Variants in SCHIP1 observed in about 807,000 individuals in gnomAD.
SCHIP1 encodes the protein schwannomin interacting protein 1.
In SCHIP1, 8 loss-of-function variants were observed where a neutral mutation model predicts 29.7. That is an observed-to-expected ratio of 0.27 (90% CI 0.16 to 0.49). The LOEUF (loss-of-function observed/expected upper bound fraction) is 0.49, where lower values mean the gene tolerates loss of function less well. SCHIP1 is among the 20% of genes least tolerant of loss of function. The pLI, the probability that SCHIP1 is intolerant of heterozygous loss-of-function variation, is 0.99. For missense variants in SCHIP1, 193 were observed against 294.6 expected (o/e 0.66, Z 2.52); for synonymous variants, 76 against 94.9 (o/e 0.80, Z 1.16).
the SCHIP1 span, among the ~76,000 whole-genome samples, chr3:159,289,771 A>G: frequency 2.6e-5 from 4 of 152,240 alleles, no homozygotes; most frequent in African/African-American, 9.6e-5. Context: ...TGAATCAGAG[A>G]ATCCACCAGA....
chr3:159,603,373 G>A, the SCHIP1 span, among the ~76,000 whole-genome samples: 1 of 152,094 alleles, frequency 6.6e-6, no homozygotes, highest in Non-Finnish European at 1.5e-5. Flanking sequence ...ACTGGCTATT[G>A]GTGATCAGCT....
chr3:159,295,267 AAAAAAAAAAC>A, the SCHIP1 span, among the ~76,000 whole-genome samples: 1,161 of 145,938 alleles, frequency 8.0e-3, 116 homozygotes, highest in East Asian at 0.21. Flanking sequence ...AAAAAAAAAA[AAAAAAAAAAC>A]AACTAGCCAG....
chr3:159,455,880 A>C, the SCHIP1 span, among the ~76,000 whole-genome samples: 47 of 152,244 alleles, frequency 3.1e-4, 2 homozygotes, highest in South Asian at 9.6e-3. Flanking sequence ...AGGTGGTTGG[A>C]CTTAGGGCAG....
At chr3:159,581,537 C>A in the SCHIP1 span, among the ~76,000 whole-genome samples, 1 of 152,090 alleles carries the variant, frequency 6.6e-6, no homozygotes, top group East Asian at 1.9e-4. Flanking sequence ...AAATAAGATG[C>A]AGTAATTCTC....
the SCHIP1 span, among the ~76,000 whole-genome samples, chr3:159,292,944 C>G: frequency 6.6e-6 from 1 of 152,218 alleles, no homozygotes; most frequent in Middle Eastern, 3.4e-3. Context: ...TTTATAGCTA[C>G]CCCCTTGTAT....
At chr3:159,409,975 T>C in the SCHIP1 span, among the ~76,000 whole-genome samples, 1 of 151,866 alleles carries the variant, frequency 6.6e-6, no homozygotes, top group Non-Finnish European at 1.5e-5. Context: ...AATCCATACA[T>C]CTACAGTGAA....
chr3:159,298,703 GC>G, the SCHIP1 span, among the ~76,000 whole-genome samples: 2,473 of 152,252 alleles, frequency 0.016, 63 homozygotes, highest in African/African-American at 0.057. Flanking sequence ...TGCTACAGAA[GC>G]CTCCGTGAAG....
At chr3:159,417,049 T>C in the SCHIP1 span, among the ~76,000 whole-genome samples, 1 of 152,190 alleles carries the variant, frequency 6.6e-6, no homozygotes, top group East Asian at 1.9e-4. Flanking sequence ...TGGCTGAAAA[T>C]GAACAGAGGT....
the SCHIP1 span, among the ~76,000 whole-genome samples, chr3:159,532,926 TTA>T: frequency 6.6e-5 from 10 of 152,274 alleles, no homozygotes; most frequent in East Asian, 1.9e-3. Context: ...TTTTAATTAT[TTA>T]TGAGTATGAC....
chr3:159,290,476 T>A, the SCHIP1 span, among the ~76,000 whole-genome samples: 1 of 152,168 alleles, frequency 6.6e-6, no homozygotes, highest in African/African-American at 2.4e-5. Context: ...TACCTGGTTT[T>A]AAAGTTTTGA....
At chr3:159,800,634 G>A in the SCHIP1 span, among the ~76,000 whole-genome samples, 1 of 152,152 alleles carries the variant, frequency 6.6e-6, no homozygotes, top group Non-Finnish European at 1.5e-5. Flanking sequence ...GGTGGCCCGT[G>A]AAGGTCCTAG....
the SCHIP1 span, among the ~76,000 whole-genome samples, chr3:159,500,575 G>A: frequency 9.2e-5 from 14 of 151,986 alleles, no homozygotes; most frequent in Admixed American, 3.9e-4. Flanking sequence ...TTAGCTGGGT[G>A]TGGTGGCGGG....
At chr3:159,320,546 C>T in the SCHIP1 span, among the ~76,000 whole-genome samples, 1 of 152,116 alleles carries the variant, frequency 6.6e-6, no homozygotes, top group Admixed American at 6.6e-5. Context: ...AATTCAGGTT[C>T]AGATCTTCTT....
chr3:159,588,142 C>G, the SCHIP1 span, among the ~76,000 whole-genome samples: 1 of 152,174 alleles, frequency 6.6e-6, no homozygotes, highest in African/African-American at 2.4e-5. Flanking sequence ...TGTTTCCTTA[C>G]TTTTTAATGA....
At chr3:159,554,824 A>G in the SCHIP1 span, among the ~76,000 whole-genome samples, 2 of 151,894 alleles carry the variant, frequency 1.3e-5, no homozygotes, top group Admixed American at 1.3e-4. Flanking sequence ...CTTTGTAGCT[A>G]GGGCATATCC....
At chr3:159,830,567 TTTATAA>T in the SCHIP1 span, among the ~76,000 whole-genome samples, 2 of 152,346 alleles carry the variant, frequency 1.3e-5, no homozygotes, top group African/African-American at 4.8e-5. Flanking sequence ...AAATTTCTTA[TTTATAA>T]TTATAAGGCT....
chr3:159,411,442 A>C, the SCHIP1 span, among the ~76,000 whole-genome samples: 2 of 152,150 alleles, frequency 1.3e-5, no homozygotes, highest in Non-Finnish European at 2.9e-5. Flanking sequence ...TAAAAATTAA[A>C]AATTAAAAAA....
the SCHIP1 span, among the ~76,000 whole-genome samples, chr3:159,298,033 G>A: frequency 6.6e-6 from 1 of 152,230 alleles, no homozygotes; most frequent in African/African-American, 2.4e-5. Context: ...CAAGCTCTAT[G>A]AGGGTAGGGA....
chr3:159,709,968 C>A, the SCHIP1 span, among the ~76,000 whole-genome samples: 3 of 152,126 alleles, frequency 2.0e-5, no homozygotes, highest in Admixed American at 2.0e-4. Flanking sequence ...GAAAAGGGAA[C>A]CCTTGCACAC....
Sources: allele counts gnomAD v4.1 joint callset (sites outside exome capture counted in the v4.1 genomes callset), GRCh38; gene constraint gnomAD v4.1.1; transcripts MANE v1.5; gene names NCBI Gene and HGNC (gene_info 2026-07-23, HGNC 2026-07-21).